The following PTPRO variants were observed in gnomAD, a reference collection of about 807,000 sequenced individuals.
PTPRO encodes receptor-type tyrosine-protein phosphatase O.
In PTPRO, 62 loss-of-function variants were observed where a neutral mutation model predicts 145.2. The observed-to-expected ratio is 0.43, with a 90% CI of 0.35 to 0.53. The LOEUF (loss-of-function observed/expected upper bound fraction) is 0.53. Ranked by LOEUF, PTPRO falls within the 20% of genes least tolerant of loss-of-function variation. The pLI is 0.01. For missense variants in PTPRO, 1,345 were observed against 1,482.7 expected (o/e 0.91, Z 1.53); for synonymous variants, 565 against 514.7 (o/e 1.10, Z -1.32).
At chr12:15,503,823 T>A (rs1307819190) in intron 5 of PTPRO, 85 bp from the exon 6 acceptor site, 44 of 1,119,144 alleles carry the variant, frequency 3.9e-5, no homozygotes, top group Non-Finnish European at 5.5e-5. Flanking sequence ...AAACACCTAA[T>A]TTTTTTTCAT....
At chr12:15,330,747 C>T (rs1166218972) in intron 1 of PTPRO, among the ~76,000 whole-genome samples, 1 of 152,168 alleles carries the variant, frequency 6.6e-6, no homozygotes, top group East Asian at 1.9e-4. Context: ...CTGTCTTTAT[C>T]CCTTGAGAGC....
intron 7 of PTPRO, among the ~76,000 whole-genome samples, chr12:15,511,171 G>A (rs923806578): frequency 3.3e-5 from 5 of 152,324 alleles, no homozygotes; most frequent in East Asian, 1.9e-4. Flanking sequence ...AGACAGTCAG[G>A]AAAAATATTG....
chr12:15,352,643 C>CTT (rs770194557), intron 1 of PTPRO, among the ~76,000 whole-genome samples: 11 of 78,858 alleles, frequency 1.4e-4, no homozygotes, highest in Admixed American at 9.4e-4. Flanking sequence ...GAGCAAGACT[C>CTT]TGTCTCAAAA....
chr12:15,509,293 G>T (rs1942386960), intron 7 of PTPRO, among the ~76,000 whole-genome samples: 1 of 151,704 alleles, frequency 6.6e-6, no homozygotes, highest in Non-Finnish European at 1.5e-5. Context: ...AGGGTTGGAG[G>T]GTTTTTTGTT....
intron 2 of PTPRO, among the ~76,000 whole-genome samples, chr12:15,485,300 T>C (rs1209780431): frequency 6.6e-6 from 1 of 152,070 alleles, no homozygotes; most frequent in Non-Finnish European, 1.5e-5. Flanking sequence ...ACCTTCAAAG[T>C]TTATAGACAT....
Position 15,370,007 on chromosome 12 carries a change from G to A in PTPRO, c.75+47206G>A, listed in dbSNP as rs191251386. ...GTGGAGGTTGCAGTGAGACGAGATC[G>A]CCCCACTCCACTCCAGCCTGGGCAA... On this transcript the variant is annotated intron_variant, in intron 1 of 26. Coordinates refer to ENST00000281171, the MANE Select transcript of PTPRO (RefSeq NM_030667.3). Among the ~76,000 whole-genome samples, 1,273 of 152,098 alleles carry A rather than the reference G, an allele frequency of 8.4e-3. 20 individuals are homozygous for A. Among genetic ancestry groups the A allele is most frequent in the African/African-American group, 0.029 (1,218 of 41,478 alleles).
At chr12:15,473,007 T>C (rs1022970198) in intron 1 of PTPRO, among the ~76,000 whole-genome samples, 19 of 152,266 alleles carry the variant, frequency 1.2e-4, no homozygotes, top group African/African-American at 4.3e-4. Flanking sequence ...GGGGACCAGG[T>C]GCCATGATTC....
At chr12:15,570,749 A>G (rs1944026892) in intron 19 of PTPRO, among the ~76,000 whole-genome samples, 1 of 152,206 alleles carries the variant, frequency 6.6e-6, no homozygotes, top group African/African-American at 2.4e-5. Flanking sequence ...AAAAATAAAT[A>G]GCTAGATGAT....
intron 19 of PTPRO, among the ~76,000 whole-genome samples, chr12:15,573,896 T>C (rs1373803268): frequency 6.6e-6 from 1 of 152,210 alleles, no homozygotes; most frequent in Non-Finnish European, 1.5e-5. Flanking sequence ...ACATTGATAG[T>C]TAATTGAGAC....
At chr12:15,575,627 G>T (rs1197891947) in intron 19 of PTPRO, among the ~76,000 whole-genome samples, 1 of 152,204 alleles carries the variant, frequency 6.6e-6, no homozygotes. Context: ...CCAACAAAAC[G>T]TAGCCTGCTA....
chr12:15,382,483 C>T (rs961563759), intron 1 of PTPRO, among the ~76,000 whole-genome samples: 5 of 152,192 alleles, frequency 3.3e-5, no homozygotes, highest in African/African-American at 1.2e-4. Flanking sequence ...TTTCAAAGCA[C>T]AGGCTGTGGA....
intron 1 of PTPRO, among the ~76,000 whole-genome samples, chr12:15,384,545 C>G (rs1284818201): frequency 6.6e-6 from 1 of 152,194 alleles, no homozygotes; most frequent in East Asian, 1.9e-4. Context: ...ACTTCTCTCT[C>G]TCTTCCTTTT....
intron 1 of PTPRO, among the ~76,000 whole-genome samples, chr12:15,396,090 C>T (rs1231319646): frequency 6.6e-6 from 1 of 152,150 alleles, no homozygotes; most frequent in Admixed American, 6.5e-5. Flanking sequence ...ATCCCATATT[C>T]TATAGAAGTT....
chr12:15,466,362 C>G (rs779859191), intron 1 of PTPRO, among the ~76,000 whole-genome samples: 1 of 152,060 alleles, frequency 6.6e-6, no homozygotes, highest in Non-Finnish European at 1.5e-5. Flanking sequence ...AACGGCAAAT[C>G]TGAGTTACCA....
At position 15,508,575 on chromosome 12, in the gene PTPRO, T is replaced by C. The variant is rs1360419351; in HGVS notation, c.1272T>C (p.Pro424=). 1 of 1,613,988 alleles carries C rather than the reference T, an allele frequency of 6.2e-7. No homozygotes were observed. The highest frequency in any genetic ancestry group is 1.1e-5 in the South Asian group (1 of 91,064). ...GTTCCAATTTGAAATGTGCAGGTCC[T>C]TCAGGAGAGTGGATTGAAGAACTGA... ...SAKSLSFYIS[P]SGEWIEELTE... Residue 424 remains proline, a synonymous_variant, in exon 7 of 27, where the codon CCT becomes CCC. Coordinates refer to ENST00000281171, the MANE Select transcript of PTPRO (RefSeq NM_030667.3).
chr12:15,564,791 ACAGT>A (rs1485739086), intron 17 of PTPRO, among the ~76,000 whole-genome samples: 2 of 152,246 alleles, frequency 1.3e-5, no homozygotes, highest in Non-Finnish European at 2.9e-5. Context: ...CATCACTTGT[ACAGT>A]CAATCATGTT....
intron 1 of PTPRO, among the ~76,000 whole-genome samples, chr12:15,340,536 T>C (rs1316288751): frequency 2.0e-5 from 3 of 152,214 alleles, no homozygotes; most frequent in Non-Finnish European, 4.4e-5. Context: ...TGTATATCAG[T>C]GGATTCCTAT....
intron 1 of PTPRO, among the ~76,000 whole-genome samples, chr12:15,437,309 C>T (rs537190859): frequency 6.6e-6 from 1 of 152,088 alleles, no homozygotes; most frequent in African/African-American, 2.4e-5. Context: ...GCCAGAGTCA[C>T]CCCACCCCTC....
At chr12:15,442,666 T>C (rs1159350262) in intron 1 of PTPRO, among the ~76,000 whole-genome samples, 1 of 152,104 alleles carries the variant, frequency 6.6e-6, no homozygotes, top group Non-Finnish European at 1.5e-5. Context: ...AAAATCAATG[T>C]ACAAAAATTA....
Sources: allele counts gnomAD v4.1 joint callset (sites outside exome capture counted in the v4.1 genomes callset), GRCh38; gene constraint gnomAD v4.1.1; transcripts MANE v1.5; gene names NCBI Gene and HGNC (gene_info 2026-07-23, HGNC 2026-07-21).